Variants in ZNF444 observed in about 807,000 individuals in gnomAD.
ZNF444 encodes zinc finger protein 444.
ZNF444 carries 8 observed loss-of-function variants against 14.4 expected under a neutral mutation model. The ratio of observed to expected loss-of-function variants is 0.56; its 90% CI spans 0.33 to 1.00. ZNF444 has a LOEUF of 1.00. ZNF444 is among the 50% of genes least tolerant of loss of function. The probability of loss-of-function intolerance (pLI) is 0.03; values close to 1 mark genes in which losing one functional copy is unlikely to be tolerated. For synonymous variants in ZNF444, 258 were observed against 235.9 expected, an observed-to-expected ratio of 1.09 and a Z score of -0.86; for missense variants, 510 against 504.8, an observed-to-expected ratio of 1.01 and a Z score of -0.10.
chr19:56,132,659 T>TG (rs1199638882), exon 1 of ZNF444: 1 of 152,144 alleles, frequency 6.6e-6, no homozygotes, highest in Non-Finnish European at 1.5e-5. Flanking sequence ...GGGCTGGAAG[T>TG]GGGGGCGAGA....
chr19:56,153,067 C>G (rs1241557879), intron 3 of ZNF444, among the ~76,000 whole-genome samples: 1 of 152,084 alleles, frequency 6.6e-6, no homozygotes, highest in Non-Finnish European at 1.5e-5. Flanking sequence ...AAAAGTGCCT[C>G]ATGACCTGTG....
rs1440749875 is a variant in ZNF444 at position 56,147,482 on chromosome 19, G to A, written c.297+274G>A. Among the ~76,000 whole-genome samples the A allele has an allele frequency of 6.6e-6, 1 of 152,180 alleles. No homozygotes were observed. The highest frequency in any genetic ancestry group is 1.9e-4 in the East Asian group (1 of 5,180). ...CCGTGTTCACGGTCACGGCTTATCA[G>A]AGAAGGACGTGCTGGAAGCAGCTGG... is the stretch of plus-strand genomic sequence containing the variant. On this transcript the variant is annotated intron_variant, in intron 3 of 4. Coordinates refer to ENST00000337080, the MANE Select transcript of ZNF444 (RefSeq NM_018337.4). This position sits in a 1 kb window ranked among gnomAD's most constrained non-coding sequence, Gnocchi z 5.9.
In ZNF444 at chr19:56,146,387, G is replaced by A. The variant is rs555992656; in HGVS notation, c.-56G>A. 6.5e-6 allele frequency: 1 copy of A among 152,870 alleles called. No individual in the cohort carries two copies. Among genetic ancestry groups the A allele is most frequent in the South Asian group, 2.1e-4 (1 of 4,844 alleles). The allele number at this position is 152,870 out of a possible 1,614,324, so 9.5% of individuals were successfully genotyped here. On this transcript the variant is annotated 5_prime_UTR_variant, in exon 2 of 5. Coordinates refer to ENST00000337080, the MANE Select transcript of ZNF444 (RefSeq NM_018337.4). ...CCCGAGTGAGCGCTGCCCCCTCACA[G>A]AGACCTCTTTGCCCCCTGGGCCAGG...
intron 3 of ZNF444, among the ~76,000 whole-genome samples, chr19:56,148,587 T>TCC (rs2031359412): frequency 6.6e-6 from 1 of 151,114 alleles, no homozygotes; most frequent in South Asian, 2.1e-4. Flanking sequence ...CCCCAGACAC[T>TCC]CCCCCCTCTT....
intron 1 of ZNF444, among the ~76,000 whole-genome samples, chr19:56,135,141 G>T (rs2030581752): frequency 6.6e-6 from 1 of 152,146 alleles, no homozygotes; most frequent in Non-Finnish European, 1.5e-5. Flanking sequence ...TGAGGCAGGA[G>T]AATGGCATGA....
At chr19:56,148,497 T>G (rs763458543) in intron 3 of ZNF444, among the ~76,000 whole-genome samples, 4 of 152,082 alleles carry the variant, frequency 2.6e-5, no homozygotes, top group African/African-American at 7.2e-5. Context: ...CGGGCGGCCT[T>G]CCTTCCTTCC....
intron 1 of ZNF444, among the ~76,000 whole-genome samples, chr19:56,135,448 A>G (rs1417936677): frequency 6.6e-6 from 1 of 152,010 alleles, no homozygotes; most frequent in African/African-American, 2.4e-5. Context: ...AGGTCCAGCC[A>G]CGGTTGGTTA....
At chr19:56,137,717 AAGG>A (rs2030644134), upstream of ZNF444, among the ~76,000 whole-genome samples, 1 of 152,200 alleles carries the variant, frequency 6.6e-6, no homozygotes, top group Non-Finnish European at 1.5e-5. Flanking sequence ...CTATAAGCTA[AAGG>A]AGCTCTGGGT....
Position 56,158,550 on chromosome 19 carries a change from G to T in ZNF444, c.354G>T (p.Thr118=), listed in dbSNP as rs755003239. 2 of 1,611,934 alleles carry T rather than the reference G, an allele frequency of 1.2e-6. No individual in the cohort carries two copies. The highest frequency in any genetic ancestry group is 2.2e-5 in the South Asian group (2 of 90,736). ...CAACGAGGGTGCCTCAGGATGTGAC[G>T]CAGGGCCCTGGGGCCACAGGTGGAA... ...SSATRVPQDV[T]QGPGATGGKE... is the part of the protein sequence containing the mutation. The change falls in exon 4 of 5, where the codon ACG becomes ACT. Residue 118 remains threonine (T), a synonymous_variant. Coordinates refer to ENST00000337080, the MANE Select transcript of ZNF444 (RefSeq NM_018337.4).
At chr19:56,148,310 G>A (rs542823153) in intron 3 of ZNF444, among the ~76,000 whole-genome samples, 1 of 152,072 alleles carries the variant, frequency 6.6e-6, no homozygotes, top group Non-Finnish European at 1.5e-5. Flanking sequence ...CAGGGGCCCT[G>A]AGTGAGGGGG....
chr19:56,158,811 C>T (rs573732017), intron 4 of ZNF444, among the ~76,000 whole-genome samples: 8 of 152,114 alleles, frequency 5.3e-5, no homozygotes, highest in African/African-American at 1.9e-4. Context: ...TCCATCCATG[C>T]ACCCATCTAG....
intron 1 of ZNF444, among the ~76,000 whole-genome samples, chr19:56,134,633 T>TATTATATGATGTTACCATATGATGAA (rs1477726816): frequency 3.9e-5 from 6 of 152,084 alleles, no homozygotes; most frequent in Non-Finnish European, 8.8e-5. Context: ...GATGAAGAAG[T>TATTATATGATGTTACCATATGATGAA]GGAGGAAGGA....
intron 1 of ZNF444, among the ~76,000 whole-genome samples, chr19:56,133,609 A>G: frequency 6.7e-6 from 1 of 149,936 alleles, no homozygotes; most frequent in Non-Finnish European, 1.5e-5. Context: ...TCAGGAGATC[A>G]AGACCATCCT....
chr19:56,160,493 T>C lies in ZNF444; in HGVS notation c.*292T>C. The C allele has an allele frequency of 3.0e-6, 1 of 332,608 alleles. No homozygotes were observed. Among genetic ancestry groups the C allele is most frequent in the South Asian group, 6.1e-5 (1 of 16,468 alleles). The allele number at this position is 332,608 out of a possible 1,614,324, so 20.6% of individuals were successfully genotyped here. On this transcript the variant is annotated 3_prime_UTR_variant, in exon 5 of 5. Transcript: ENST00000337080. Reference sequence around the variant, plus strand: ...CCTAATGTCTCCTCCTTCCCCCCTCTTCTCTCTCCTGCGGCCCAGCCTCCC... The same window carrying C: ...CCTAATGTCTCCTCCTTCCCCCCTCCTCTCTCTCCTGCGGCCCAGCCTCCC...
intron 4 of ZNF444, among the ~76,000 whole-genome samples, chr19:56,159,165 TTCATCCACCCA>T (rs1424500724): frequency 1.6e-4 from 24 of 150,740 alleles, no homozygotes; most frequent in South Asian, 4.2e-4. Context: ...CATCTGTACA[TTCATCCACCCA>T]TCATCCACCC....
rs769610318 is a variant in ZNF444, at chr19:56,158,513, A to C, written c.317A>C (p.Asp106Ala). 6.2e-7 allele frequency: 1 copy of C among 1,610,858 alleles called. No homozygotes were observed. The highest frequency in any genetic ancestry group is 8.5e-7 in the Non-Finnish European group (1 of 1,178,494). Residue 106 changes from aspartate (D) to alanine (A), a missense_variant, in exon 4 of 5, where the codon GAT (aspartate) becomes GCT (alanine). Transcript: ENST00000337080. ...EELWGPAASP[D>A]GSSATRVPQD... ...TTTCAGGGGCCAGCAGCCTCCCCCGATGGGTCGTCAGCAACGAGGGTGCCT... is the reference window on the plus strand; with the variant it reads ...TTTCAGGGGCCAGCAGCCTCCCCCGCTGGGTCGTCAGCAACGAGGGTGCCT...
chr19:56,149,625 T>G (rs1188493140), intron 3 of ZNF444, among the ~76,000 whole-genome samples: 1 of 152,150 alleles, frequency 6.6e-6, no homozygotes, highest in African/African-American at 2.4e-5. Context: ...GTCCTAATGC[T>G]CTCCCTCCCC....
At chr19:56,135,058 C>A (rs956553328) in intron 1 of ZNF444, among the ~76,000 whole-genome samples, 5 of 152,010 alleles carry the variant, frequency 3.3e-5, no homozygotes, top group African/African-American at 1.2e-4. Flanking sequence ...GGTGAAACCC[C>A]GTCTCTACTA....
chr19:56,153,271 AGTTT>A (rs1000712044), intron 3 of ZNF444, among the ~76,000 whole-genome samples: 1 of 151,912 alleles, frequency 6.6e-6, no homozygotes, highest in African/African-American at 2.4e-5. Context: ...GGCCTTGTCG[AGTTT>A]GTTTATGACT....
Sources: allele counts gnomAD v4.1 joint callset (sites outside exome capture counted in the v4.1 genomes callset), GRCh38; gene constraint gnomAD v4.1.1; non-coding constraint Gnocchi (gnomAD v3.1); transcripts MANE v1.5; gene names NCBI Gene and HGNC (gene_info 2026-07-23, HGNC 2026-07-21).